The following TENM1 variants were observed in gnomAD, a reference collection of about 807,000 sequenced individuals.
The protein encoded by TENM1 is teneurin-1.
In TENM1, 35 loss-of-function variants were observed where a neutral mutation model predicts 174.8. The ratio of observed to expected loss-of-function variants is 0.20; its 90% CI spans 0.15 to 0.27. TENM1 has a LOEUF of 0.27. Among genes scored for constraint, TENM1 ranks in the 10% least tolerant of loss-of-function variants. The probability of loss-of-function intolerance (pLI) is 1.00; values close to 1 mark genes in which losing one functional copy is unlikely to be tolerated. For synonymous variants in TENM1, 781 were observed against 798.7 expected (o/e 0.98, Z 0.37); for missense variants, 1,633 against 2,130.1 (o/e 0.77, Z 4.59).
intron 11 of TENM1, among the ~76,000 whole-genome samples, chrX:124,578,673 T>A (rs1602700380): frequency 8.9e-6 from 1 of 112,141 alleles, no homozygotes; most frequent in East Asian, 2.8e-4. Context: ...CCCTTCACCA[T>A]CTTTTGTCTT....
At chrX:124,644,938 A>T (rs1353203370) in intron 10 of TENM1, among the ~76,000 whole-genome samples, 2 of 111,418 alleles carry the variant, frequency 1.8e-5, no homozygotes, top group African/African-American at 6.5e-5. Flanking sequence ...TGAAAGTGTC[A>T]CAGATACAGC....
chrX:125,160,509 C>A, the TENM1 span, among the ~76,000 whole-genome samples: 1 of 88,027 alleles, frequency 1.1e-5, no homozygotes, highest in African/African-American at 4.4e-5. Flanking sequence ...TGTGCCACTG[C>A]ACTCTAGCCT....
the TENM1 span, among the ~76,000 whole-genome samples, chrX:125,175,201 G>C: frequency 5.4e-5 from 6 of 110,971 alleles, no homozygotes; most frequent in Non-Finnish European, 9.5e-5. Context: ...AAGGTTAGCA[G>C]TTTTTGCTAA....
the TENM1 span, among the ~76,000 whole-genome samples, chrX:125,145,466 CTT>C: frequency 8.9e-6 from 1 of 112,416 alleles, no homozygotes; most frequent in African/African-American, 3.2e-5. Flanking sequence ...AAATTTGTAA[CTT>C]GGCCTTAAAA....
chrX:124,724,205 T>G (rs754002615), intron 4 of TENM1, among the ~76,000 whole-genome samples: 10 of 112,069 alleles, frequency 8.9e-5, no homozygotes, highest in Non-Finnish European at 1.9e-4. Flanking sequence ...CTTCTGTTCC[T>G]GATTTCAGAA....
intron 3 of TENM1, among the ~76,000 whole-genome samples, chrX:124,759,322 TA>T (rs1305243673): frequency 4.5e-4 from 49 of 109,598 alleles, no homozygotes; most frequent in Non-Finnish European, 3.6e-4. Context: ...AATAGTTTTT[TA>T]AAAAAAAAAT....
the TENM1 span, among the ~76,000 whole-genome samples, chrX:125,035,025 GCA>G: frequency 2.7e-5 from 3 of 111,890 alleles, no homozygotes; most frequent in Non-Finnish European, 3.8e-5. Context: ...ATAGTGACAA[GCA>G]CAGTGTTTGG....
chrX:124,917,171 C>T (rs1173172153), intron 1 of TENM1, among the ~76,000 whole-genome samples: 1 of 111,726 alleles, frequency 9.0e-6, no homozygotes, highest in Non-Finnish European at 1.9e-5. Flanking sequence ...CAGTAGCCAG[C>T]TGTCCATCTT....
chrX:124,583,990 G>A (rs1367257305), intron 11 of TENM1, among the ~76,000 whole-genome samples: 442 of 95,742 alleles, frequency 4.6e-3, no homozygotes, highest in African/African-American at 0.017. Context: ...AGAGAAAAAA[G>A]AATAAAAAGA....
At chrX:124,707,475 C>A (rs1353145816) in intron 4 of TENM1, among the ~76,000 whole-genome samples, 1 of 111,227 alleles carries the variant, frequency 9.0e-6, no homozygotes, top group Non-Finnish European at 1.9e-5. Context: ...GCTATTAAGA[C>A]CCTGAATAAT....
At chrX:124,817,130 C>G (rs2055915082) in intron 3 of TENM1, among the ~76,000 whole-genome samples, 1 of 111,024 alleles carries the variant, frequency 9.0e-6, no homozygotes, top group South Asian at 3.8e-4. Flanking sequence ...TGAGTGAGAA[C>G]ATGCGGTGTT....
chrX:125,062,031 T>C, the TENM1 span, among the ~76,000 whole-genome samples: 6 of 112,495 alleles, frequency 5.3e-5, no homozygotes, highest in East Asian at 2.8e-4. Flanking sequence ...CTTCCAGCTC[T>C]AACATTTGCT....
intron 4 of TENM1, among the ~76,000 whole-genome samples, chrX:124,709,257 C>A (rs2052986408): frequency 9.0e-6 from 1 of 111,532 alleles, no homozygotes; most frequent in Non-Finnish European, 1.9e-5. Context: ...GAGGTTAAGT[C>A]ACTTTTCCTT....
chrX:124,486,083 C>G (rs187127743), intron 21 of TENM1, among the ~76,000 whole-genome samples: 117 of 111,809 alleles, frequency 1.0e-3, no homozygotes, highest in Admixed American at 3.3e-3. Context: ...TGTACTTTAG[C>G]TCTTTTGAGG....
chrX:124,830,952 G>A (rs961250090), intron 3 of TENM1, among the ~76,000 whole-genome samples: 4 of 111,447 alleles, frequency 3.6e-5, no homozygotes, highest in African/African-American at 1.3e-4. Context: ...ACGTTTTTAG[G>A]TATTTTCGTT....
intron 22 of TENM1, among the ~76,000 whole-genome samples, chrX:124,458,307 T>C (rs1053950407): frequency 9.8e-5 from 11 of 111,803 alleles, no homozygotes; most frequent in Non-Finnish European, 1.1e-4. Flanking sequence ...CCTGTTAAGT[T>C]TTCTCACTAT....
chrX:124,796,086 C>T (rs1456513026), intron 3 of TENM1, among the ~76,000 whole-genome samples: 1 of 111,110 alleles, frequency 9.0e-6, no homozygotes, highest in African/African-American at 3.3e-5. Flanking sequence ...CATTTTGATC[C>T]ATGCCATCAC....
At chrX:125,060,025 G>A in the TENM1 span, among the ~76,000 whole-genome samples, 1 of 109,204 alleles carries the variant, frequency 9.2e-6, no homozygotes, top group Non-Finnish European at 1.9e-5. Context: ...CCTTCAGATT[G>A]CCTTTCAGAC....
intron 3 of TENM1, among the ~76,000 whole-genome samples, chrX:124,801,547 A>C (rs1456862572): frequency 9.0e-6 from 1 of 111,726 alleles, no homozygotes; most frequent in Non-Finnish European, 1.9e-5. Context: ...CCAATTTGCC[A>C]GTCTGTGTCT....
Sources: allele counts gnomAD v4.1 joint callset (sites outside exome capture counted in the v4.1 genomes callset), GRCh38; gene constraint gnomAD v4.1.1; transcripts MANE v1.5; gene names NCBI Gene and HGNC (gene_info 2026-07-23, HGNC 2026-07-21).